RER1: variants seen among roughly 807,000 people sequenced by gnomAD.
RER1 encodes retention in endoplasmic reticulum sorting receptor 1, also known as protein RER1.
A neutral mutation model predicts 28.3 loss-of-function variants in RER1; 6 were observed. The ratio of observed to expected loss-of-function variants is 0.21; its 90% CI spans 0.12 to 0.42. The LOEUF (loss-of-function observed/expected upper bound fraction) is 0.42, where lower values mean the gene tolerates loss of function less well. Among genes scored for constraint, RER1 ranks in the 10% least tolerant of loss-of-function variants. RER1 has a pLI of 1.00. For synonymous variants in RER1, 110 were observed against 95.9 expected (o/e 1.15, Z -0.86); for missense variants, 159 against 252.9 (o/e 0.63, Z 2.52).
intron 1 of RER1, among the ~76,000 whole-genome samples, chr1:2,393,786 C>T (rs1642728546): frequency 6.6e-6 from 1 of 152,140 alleles, no homozygotes; most frequent in Non-Finnish European, 1.5e-5. Flanking sequence ...GCAATGCGTT[C>T]AGTCAGGGTG....
chr1:2,392,551 T>C (rs1239088630), intron 1 of RER1, among the ~76,000 whole-genome samples: 2 of 152,238 alleles, frequency 1.3e-5, no homozygotes, highest in Admixed American at 6.5e-5. Context: ...GTATCGTTCG[T>C]TTCTCTGCCA....
Position 2,399,399 on chromosome 1 carries a change from T to C in RER1, c.187-16T>C, listed in dbSNP as rs1642813372. 3.2e-6 allele frequency: 5 copies of C among 1,559,758 alleles called. No homozygotes were observed. The African/African-American group carries it at 4.1e-5, about 13-fold the overall frequency. On this transcript the variant is annotated splice_polypyrimidine_tract_variant and intron_variant, in intron 3 of 6. Coordinates refer to ENST00000605895, the MANE Select transcript of RER1 (RefSeq NM_007033.5). ...CGGTCAGAGTGCACCACTGACTCTC[T>C]TTCCTTCTCTTTCAGGGTTGGTACA...
chr1:2,402,183 C>G, intron 5 of RER1, 24 bp from the exon 6 acceptor site: 1 of 1,614,132 alleles, frequency 6.2e-7, no homozygotes, highest in Non-Finnish European at 8.5e-7. Context: ...AGATGCGGCG[C>G]TAACCTTCTC....
chr1:2,395,060 CTGTT>C (rs1473002719), intron 1 of RER1: 2 of 152,300 alleles, frequency 1.3e-5, no homozygotes, highest in East Asian at 1.9e-4. Flanking sequence ...GTGGCTTCCA[CTGTT>C]TGAGACTTGG....
intron 3 of RER1, among the ~76,000 whole-genome samples, chr1:2,398,635 C>T (rs1314406964): frequency 3.3e-5 from 5 of 152,236 alleles, no homozygotes; most frequent in Non-Finnish European, 5.9e-5. Context: ...GTGATCCACC[C>T]GCCTTGGCCT....
At position 2,401,263 on chromosome 1, in the gene RER1, TCCACCCTC is replaced by T. The variant is rs148382804; in HGVS notation, c.365+331_365+338del. The stretch of plus-strand genomic sequence containing the variant: ...TCCTTCCTCCCTCCTTCCTCCCTCC[TCCACCCTC>T]CCTCCTCCCTCCTCCTTCCTCCCTC... On this transcript the variant is annotated intron_variant, in intron 5 of 6. Coordinates refer to ENST00000605895, the MANE Select transcript of RER1 (RefSeq NM_007033.5). Among the ~76,000 whole-genome samples, 117 of 58,712 alleles carry T rather than the reference TCCACCCTC, an allele frequency of 2.0e-3. 6 individuals are homozygous for T. Among genetic ancestry groups the T allele is most frequent in the East Asian group, 3.3e-3 (5 of 1,530 alleles). The allele number at this position is 58,712 out of a possible 152,430, so 38.5% of individuals were successfully genotyped here.
At chr1:2,399,676 A>T (rs967215335) in intron 4 of RER1, among the ~76,000 whole-genome samples, 162 bp downstream of exon 4, 1 of 152,200 alleles carries the variant, frequency 6.6e-6, no homozygotes, top group East Asian at 1.9e-4. Flanking sequence ...TGACTCTTCA[A>T]ACCCTCCTGA....
chr1:2,403,471 G>A lies in RER1; in HGVS notation c.*347G>A, dbSNP rs950746970. The A allele has an allele frequency of 3.6e-5, 11 of 308,306 alleles. No homozygotes were observed. The highest frequency in any genetic ancestry group is 5.0e-5 in the Non-Finnish European group (8 of 159,540). The allele number at this position is 308,306 out of a possible 1,614,324, so 19.1% of individuals were successfully genotyped here. Reference sequence around the variant, plus strand: ...GGAGCAAGGCCTGCGAGGGAGGAACGGGCCGCTCCCCGCCAGCCGCCTTCC... The same window carrying A: ...GGAGCAAGGCCTGCGAGGGAGGAACAGGCCGCTCCCCGCCAGCCGCCTTCC... On this transcript the variant is annotated 3_prime_UTR_variant, in exon 7 of 7. Coordinates refer to ENST00000605895, the MANE Select transcript of RER1 (RefSeq NM_007033.5).
chr1:2,403,111 C>A lies in RER1; in HGVS notation c.578C>A (p.Ala193Asp). 6.2e-7 allele frequency: 1 copy of A among 1,613,910 alleles called. No homozygotes were observed. The highest frequency in any genetic ancestry group is 8.5e-7 in the Non-Finnish European group (1 of 1,179,844). The change falls in exon 7 of 7, where the codon GCC becomes GAC. Residue 193 changes from alanine (A) to aspartate (D), a missense_variant. Transcript: ENST00000605895. ...RYRGKEDAGK[A>D]FAS Reference sequence around the variant, plus strand: ...AGAGGCAAGGAGGATGCCGGCAAGGCCTTCGCCAGCTAGAAGCGGGACTGA... The same window carrying A: ...AGAGGCAAGGAGGATGCCGGCAAGGACTTCGCCAGCTAGAAGCGGGACTGA...
intron 3 of RER1, among the ~76,000 whole-genome samples, chr1:2,397,471 C>T (rs1229193178): frequency 1.3e-5 from 2 of 152,186 alleles, no homozygotes; most frequent in Non-Finnish European, 2.9e-5. Flanking sequence ...CTGGCCCTGC[C>T]CTGGGCACGT....
chr1:2,395,713 G>T, intron 1 of RER1, 71 bp from the exon 2 acceptor site: 1 of 1,063,228 alleles, frequency 9.4e-7, no homozygotes, highest in East Asian at 2.4e-5. Context: ...GACAGTGTTG[G>T]TGAAAATAGG....
intron 5 of RER1, 178 bp from the exon 6 acceptor site, chr1:2,402,029 A>G (rs770899446): frequency 9.7e-6 from 15 of 1,544,176 alleles, no homozygotes; most frequent in East Asian, 2.4e-5. Context: ...AGGGCAGTAC[A>G]TGTCTGTGAG....
chr1:2,396,214 C>T lies in RER1; in HGVS notation c.81+343C>T, dbSNP rs78842768. ...TCCCTCTCCCAGCCACCCACGTCCC[C>T]GGTGCTGGTAGCCCCACCTGCCCCG... On this transcript the variant is annotated intron_variant, in intron 2 of 6. Transcript: ENST00000605895. 704 of 303,238 alleles carry T rather than the reference C, an allele frequency of 2.3e-3. 4 individuals are homozygous for T. The highest frequency in any genetic ancestry group is 0.013 in the African/African-American group (609 of 46,644). 18.8% of individuals were successfully genotyped at this position (303,238 alleles called of 1,614,324 possible).
intron 4 of RER1, among the ~76,000 whole-genome samples, chr1:2,400,057 T>TA (rs1481666884): frequency 2.6e-5 from 4 of 152,152 alleles, no homozygotes; most frequent in East Asian, 1.9e-4. Context: ...TTGGAAGACT[T>TA]ACGCAGCTCC....
In RER1 at chr1:2,404,768, C is replaced by G. The variant is rs1395254909; in HGVS notation, c.*1644C>G. 6.6e-6 allele frequency: 1 copy of G among 152,378 alleles called. No individual in the cohort carries two copies. Among genetic ancestry groups the G allele is most frequent in the African/African-American group, 2.4e-5 (1 of 41,468 alleles). The allele number at this position is 152,378 out of a possible 1,614,324, so 9.4% of individuals were successfully genotyped here. A position where few individuals can be genotyped will look rare whatever the true frequency, so the allele number is the denominator to read the frequency against. Reference sequence around the variant, plus strand: ...CACACGCCCTCGAGGCATTTTAACACTGCGCTTCAGGAAATCTCAAGTTCC... The same window carrying G: ...CACACGCCCTCGAGGCATTTTAACAGTGCGCTTCAGGAAATCTCAAGTTCC... On this transcript the variant is annotated 3_prime_UTR_variant, in exon 7 of 7. Transcript: ENST00000605895.
Position 2,404,153 on chromosome 1 carries a change from C to CG in RER1, c.*1032dup, listed in dbSNP as rs150521482. 0.02 allele frequency: 3,104 copies of CG among 152,330 alleles called. 81 individuals are homozygous for CG. The highest frequency in any genetic ancestry group is 0.026 in the Non-Finnish European group (1,783 of 68,054). The allele number at this position is 152,330 out of a possible 1,614,324, so 9.4% of individuals were successfully genotyped here. On this transcript the variant is annotated 3_prime_UTR_variant, in exon 7 of 7. Transcript: ENST00000605895. The stretch of plus-strand genomic sequence containing the variant: ...AGTGAAGGCCTCTCCTCCTGGGCCC[C>CG]GGGCTGCGCAGGCTCCTCACTCTGG...
intron 5 of RER1, 52 bp from the exon 6 acceptor site, chr1:2,402,155 G>A (rs1642873953): frequency 3.1e-6 from 5 of 1,613,966 alleles, no homozygotes; most frequent in Non-Finnish European, 4.2e-6. Flanking sequence ...CGGCCGGCAG[G>A]TGCCCGGTGC....
intron 2 of RER1, among the ~76,000 whole-genome samples, chr1:2,396,678 C>T (rs1243820350): frequency 1.3e-5 from 2 of 152,252 alleles, no homozygotes; most frequent in Non-Finnish European, 2.9e-5. Context: ...GGGGCTCAGG[C>T]TGTGGCCAGT....
intron 3 of RER1, among the ~76,000 whole-genome samples, chr1:2,398,497 TCTTA>T (rs1289388621): frequency 6.6e-6 from 1 of 152,264 alleles, no homozygotes; most frequent in African/African-American, 2.4e-5. Flanking sequence ...CAAGTGATTC[TCTTA>T]CTTCAGCTTC....
Sources: allele counts gnomAD v4.1 joint callset (sites outside exome capture counted in the v4.1 genomes callset), GRCh38; gene constraint gnomAD v4.1.1; transcripts MANE v1.5; gene names NCBI Gene and HGNC (gene_info 2026-07-23, HGNC 2026-07-21).